Variants in P3H2 observed in about 807,000 individuals in gnomAD.
The protein encoded by P3H2 is leprecan-like 1.
Under a neutral mutation model 87.0 loss-of-function variants are expected in P3H2, and 80 were observed. The observed-to-expected ratio is 0.92, with a 90% CI of 0.77 to 1.11. The LOEUF (loss-of-function observed/expected upper bound fraction) is 1.11, where lower values mean the gene tolerates loss of function less well. P3H2 is among the 50% of genes least tolerant of loss of function. The pLI is 0.00. For missense variants in P3H2, 1,001 were observed against 923.9 expected (o/e 1.08, Z -1.08); for synonymous variants, 367 against 359.3 (o/e 1.02, Z -0.24).
chr3:190,036,295 G>T (rs1423997439), intron 1 of P3H2, among the ~76,000 whole-genome samples: 1 of 152,006 alleles, frequency 6.6e-6, no homozygotes, highest in Non-Finnish European at 1.5e-5. Context: ...CATATTTCTT[G>T]TGTCTCCAAA....
In P3H2 at chr3:189,974,649, T is replaced by C. The variant is rs1437444162; in HGVS notation, c.1361A>G (p.Tyr454Cys). The change falls in exon 9 of 15, where the codon TAC becomes TGC. Residue 454 changes from tyrosine (Y) to cysteine (C), a missense_variant. Physicochemically the swap from Tyr to Cys is radical, Grantham distance 194. Transcript: ENST00000319332. ...PLLYENITFVYNSEQLNGTQR... is the reference protein window; with the variant it reads ...PLLYENITFVCNSEQLNGTQR... Reference sequence around the variant, plus strand: ...AGTCCCGTTCAGCTGCTCCGAGTTGTAGACGAATGTGATGTTCTCATAGAG... The same window carrying C: ...AGTCCCGTTCAGCTGCTCCGAGTTGCAGACGAATGTGATGTTCTCATAGAG... 1.2e-6 allele frequency: 2 copies of C among 1,614,074 alleles called. No individual in the cohort carries two copies. Among genetic ancestry groups the C allele is most frequent in the South Asian group, 1.1e-5 (1 of 91,092 alleles).
chr3:190,099,726 T>C (rs958904156), intron 1 of P3H2, among the ~76,000 whole-genome samples: 3 of 152,182 alleles, frequency 2.0e-5, no homozygotes. Flanking sequence ...GTATTAACAA[T>C]ATATATCTTG....
chr3:190,018,802 T>G (rs1216220095), intron 1 of P3H2, among the ~76,000 whole-genome samples: 1 of 152,206 alleles, frequency 6.6e-6, no homozygotes, highest in African/African-American at 2.4e-5. Flanking sequence ...GAACTGTAAG[T>G]GCTTGTTGAT....
At chr3:190,106,671 CT>C (rs1711850396) in intron 1 of P3H2, among the ~76,000 whole-genome samples, 1 of 151,982 alleles carries the variant, frequency 6.6e-6, no homozygotes, top group African/African-American at 2.4e-5. Context: ...TATGTCAGAA[CT>C]TTTTTTGACT....
intron 14 of P3H2, among the ~76,000 whole-genome samples, chr3:189,960,514 T>C (rs1036187351): frequency 2.0e-5 from 3 of 152,190 alleles, no homozygotes; most frequent in Non-Finnish European, 4.4e-5. Flanking sequence ...CCTAAAGAAA[T>C]TGATCTTTTA....
At chr3:190,000,671 C>T (rs1398681245) in intron 1 of P3H2, among the ~76,000 whole-genome samples, 1 of 152,128 alleles carries the variant, frequency 6.6e-6, no homozygotes, top group East Asian at 1.9e-4. Context: ...AAGGGCATTC[C>T]AGGCCAAAGA....
chr3:189,973,815 T>C (rs1332506549), intron 10 of P3H2, 94 bp downstream of exon 10: 1 of 940,716 alleles, frequency 1.1e-6, no homozygotes, highest in Non-Finnish European at 1.8e-6. Context: ...TGAGCCACTG[T>C]GCCTGGCCAC....
intron 1 of P3H2, among the ~76,000 whole-genome samples, chr3:190,044,297 C>T (rs747647696): frequency 7.2e-5 from 11 of 152,262 alleles, no homozygotes; most frequent in African/African-American, 2.6e-4. Flanking sequence ...TAACACATGA[C>T]ACATTAGTTT....
rs1344853723 is a variant in P3H2, at chr3:190,110,353, A to G, written c.480+9899T>C. Among the ~76,000 whole-genome samples, 5 of 152,190 alleles carry G rather than the reference A, an allele frequency of 3.3e-5. No individual in the cohort carries two copies. The East Asian group carries it at 7.7e-4, about 23-fold the overall frequency. On this transcript the variant is annotated intron_variant, in intron 1 of 14. Transcript: ENST00000319332. ...AAAATGCACAGGACAGCTTGCCACA[A>G]CAAAGAATTATTCATCCCAGAATAT... is the stretch of plus-strand genomic sequence containing the variant.
At chr3:189,992,239 C>T (rs530954260) in intron 3 of P3H2, among the ~76,000 whole-genome samples, 3,234 of 152,150 alleles carry the variant, frequency 0.021, 91 homozygotes, top group African/African-American at 0.065. Context: ...GGATTACAGG[C>T]ACCCACCACC....
chr3:189,969,224 T>C, intron 13 of P3H2: 1 of 746,578 alleles, frequency 1.3e-6, no homozygotes, highest in East Asian at 2.6e-5. Flanking sequence ...ACCATGGCAA[T>C]ACTCGCATAA....
chr3:190,062,598 C>T (rs1272129118), intron 1 of P3H2, among the ~76,000 whole-genome samples: 1 of 152,124 alleles, frequency 6.6e-6, no homozygotes, highest in East Asian at 1.9e-4. Flanking sequence ...AATAATAAGC[C>T]TGGCACTATT....
At chr3:190,007,524 C>T (rs533728588) in intron 1 of P3H2, among the ~76,000 whole-genome samples, 14 of 152,116 alleles carry the variant, frequency 9.2e-5, no homozygotes, top group South Asian at 2.1e-4. Context: ...AACCAAATAT[C>T]GAGCAAAGTC....
At chr3:190,121,634 C>G (rs1025988250), upstream of P3H2, 2 of 152,164 alleles carry the variant, frequency 1.3e-5, no homozygotes, top group African/African-American at 4.8e-5. Context: ...CTGTGCAGCC[C>G]GTGGTTTTAC....
chr3:190,056,803 C>T (rs1049481394), intron 1 of P3H2, among the ~76,000 whole-genome samples: 2 of 152,316 alleles, frequency 1.3e-5, no homozygotes, highest in South Asian at 2.1e-4. Context: ...GAAAAGCACA[C>T]GCAGCTGCTC....
chr3:190,032,603 C>T (rs1306540631), intron 1 of P3H2, among the ~76,000 whole-genome samples: 1 of 152,148 alleles, frequency 6.6e-6, no homozygotes, highest in Admixed American at 6.5e-5. Context: ...CCCATGAGAA[C>T]ATTTATGGGT....
rs2108532153 is a variant in P3H2 at position 190,120,655 on chromosome 3, G to GGA, written c.76_77insTC (p.Pro26LeufsTer179). ...CAGCTCCCGGCGTGGGCTGTCCGGG[G>GGA]GGCCGCCCCACAGTGGCGGCGGCAG... On this transcript the variant is annotated frameshift_variant, in exon 1 of 15. Transcript: ENST00000319332. LOFTEE classifies it high-confidence loss of function. 6.6e-7 allele frequency: 1 copy of GGA among 1,525,214 alleles called. No individual in the cohort carries two copies. The highest frequency in any genetic ancestry group is 2.5e-5 in the East Asian group (1 of 39,716). The allele number at this position is 1,525,214 out of a possible 1,614,324, so 94.5% of individuals were successfully genotyped here.
At chr3:189,959,957 T>G (rs943091832) in intron 14 of P3H2, among the ~76,000 whole-genome samples, 2 of 150,566 alleles carry the variant, frequency 1.3e-5, no homozygotes, top group Non-Finnish European at 3.0e-5. Context: ...TAGAATACAA[T>G]TCGCATTTCC....
intron 1 of P3H2, among the ~76,000 whole-genome samples, chr3:189,998,900 C>G (rs1198826722): frequency 6.6e-6 from 1 of 152,096 alleles, no homozygotes; most frequent in Non-Finnish European, 1.5e-5. Flanking sequence ...AGCACACAAC[C>G]TAGATCCCTC....
Sources: gnomAD v4.1 joint callset for allele counts (sites outside exome capture counted in the v4.1 genomes callset) on GRCh38, gnomAD v4.1.1 for gene constraint, MANE v1.5 for transcripts, NCBI Gene and HGNC (gene_info 2026-07-23, HGNC 2026-07-21) for gene names.